Variants in NKAIN3 observed in about 807,000 individuals in gnomAD.
NKAIN3 encodes sodium/potassium transporting ATPase interacting 3.
Under a neutral mutation model 30.2 loss-of-function variants are expected in NKAIN3, and 25 were observed. The observed-to-expected ratio is 0.83, with a 90% CI of 0.60 to 1.16. The LOEUF (loss-of-function observed/expected upper bound fraction) is 1.16, where lower values mean the gene tolerates loss of function less well. Among genes scored for constraint, NKAIN3 ranks in the 50% most tolerant of loss-of-function variants. The pLI is 0.00. For missense variants in NKAIN3, 225 were observed against 254.1 expected (o/e 0.89, Z 0.78); for synonymous variants, 91 against 89.6 (o/e 1.02, Z -0.09).
At position 62,528,310 on chromosome 8, in the gene NKAIN3, T is replaced by TATATATATATTATATA. The variant is rs1563441399; in HGVS notation, c.55-51221_55-51220insATTATATAATATATAT. Among the ~76,000 whole-genome samples, 4 of 89,902 alleles carry TATATATATATTATATA rather than the reference T, an allele frequency of 4.4e-5. No individual in the cohort carries two copies. In the East Asian group the frequency reaches 1.0e-3, roughly 23 times the overall value. 59.0% of individuals were successfully genotyped at this position (89,902 alleles called of 152,430 possible). On this transcript the variant is annotated intron_variant, in intron 1 of 6. Transcript: ENST00000623646. ...TGATATATATATATATTATATTATA[T>TATATATATATTATATA]ATATATATTATATAATATATATATT...
chr8:62,750,031 C>G (rs1024641471), intron 4 of NKAIN3, among the ~76,000 whole-genome samples: 2 of 151,946 alleles, frequency 1.3e-5, no homozygotes, highest in Non-Finnish European at 2.9e-5. Context: ...TCTTGTTGCC[C>G]AATATGTGCT....
chr8:62,909,138 T>A (rs1439875937), intron 4 of NKAIN3, among the ~76,000 whole-genome samples: 4 of 152,196 alleles, frequency 2.6e-5, no homozygotes, highest in Non-Finnish European at 5.9e-5. Flanking sequence ...CAAATGGTTA[T>A]CCTCCTAGTA....
intron 3 of NKAIN3, among the ~76,000 whole-genome samples, chr8:62,616,978 T>C (rs1811473703): frequency 6.6e-6 from 1 of 152,186 alleles, no homozygotes; most frequent in Non-Finnish European, 1.5e-5. Flanking sequence ...GATGTCCTGA[T>C]GATAGTGAAT....
At chr8:62,317,637 C>T (rs898024516) in intron 1 of NKAIN3, among the ~76,000 whole-genome samples, 1 of 152,126 alleles carries the variant, frequency 6.6e-6, no homozygotes, top group Admixed American at 6.5e-5. Flanking sequence ...TCATCTATAT[C>T]TCTGTTTTGG....
In NKAIN3 at chr8:62,980,382, T is replaced by G. The variant is rs917117356; in HGVS notation, c.*14975T>G. The G allele has an allele frequency of 2.0e-5, 3 of 152,230 alleles. No homozygotes were observed. Among genetic ancestry groups the G allele is most frequent in the Non-Finnish European group, 4.4e-5 (3 of 68,050 alleles). 9.4% of individuals were successfully genotyped at this position (152,230 alleles called of 1,614,324 possible). On this transcript the variant is annotated 3_prime_UTR_variant, in exon 7 of 7. Coordinates refer to ENST00000623646, the MANE Select transcript of NKAIN3 (RefSeq NM_001304533.3). The stretch of plus-strand genomic sequence containing the variant: ...TCAAATAGCAGGCATGCAATGTAGT[T>G]TTATAAGATAATATACTAGGACCAT...
At chr8:62,822,458 G>T (rs183845147) in intron 4 of NKAIN3, among the ~76,000 whole-genome samples, 2 of 152,186 alleles carry the variant, frequency 1.3e-5, no homozygotes, top group East Asian at 3.9e-4. Context: ...ATTTTGCATG[G>T]CTTCTTAAGT....
intron 3 of NKAIN3, among the ~76,000 whole-genome samples, chr8:62,668,102 A>G (rs1813185244): frequency 8.0e-6 from 1 of 124,280 alleles, no homozygotes; most frequent in Admixed American, 7.3e-5. Flanking sequence ...ACACATACAC[A>G]CACACACATA....
chr8:62,318,042 G>A (rs1814711966), intron 1 of NKAIN3, among the ~76,000 whole-genome samples: 1 of 152,094 alleles, frequency 6.6e-6, no homozygotes, highest in South Asian at 2.1e-4. Context: ...TGAAGCAATT[G>A]TGAATGGGAA....
intron 1 of NKAIN3, among the ~76,000 whole-genome samples, chr8:62,273,199 T>A (rs1812829204): frequency 6.6e-6 from 1 of 152,228 alleles, no homozygotes. Context: ...TAGTGCTTTT[T>A]AATTATGTCT....
chr8:62,402,398 T>C (rs374061517), intron 1 of NKAIN3, among the ~76,000 whole-genome samples: 190 of 152,168 alleles, frequency 1.2e-3, no homozygotes, highest in African/African-American at 4.5e-3. Context: ...CAAGAGCCCA[T>C]TTGGTGTTTG....
chr8:62,443,253 G>A (rs1045975570), intron 1 of NKAIN3, among the ~76,000 whole-genome samples: 1 of 151,852 alleles, frequency 6.6e-6, no homozygotes, highest in African/African-American at 2.4e-5. Context: ...TGTATTTCAA[G>A]TATAGATAGA....
intron 4 of NKAIN3, among the ~76,000 whole-genome samples, chr8:62,875,254 A>C (rs1177121482): frequency 6.6e-6 from 1 of 152,168 alleles, no homozygotes; most frequent in East Asian, 1.9e-4. Flanking sequence ...AATACCTAGG[A>C]ATACAGCTAA....
At chr8:62,527,341 A>T (rs575947470) in intron 1 of NKAIN3, among the ~76,000 whole-genome samples, 1 of 152,226 alleles carries the variant, frequency 6.6e-6, no homozygotes, top group African/African-American at 2.4e-5. Flanking sequence ...AAGTTATGTG[A>T]CTCCAGAGGC....
At chr8:62,867,214 C>T (rs962311129) in intron 4 of NKAIN3, among the ~76,000 whole-genome samples, 1 of 151,768 alleles carries the variant, frequency 6.6e-6, no homozygotes. Flanking sequence ...TAGAGTCATA[C>T]GCATCTGGGT....
intron 4 of NKAIN3, among the ~76,000 whole-genome samples, chr8:62,817,282 T>C (rs985761676): frequency 2.0e-5 from 3 of 152,214 alleles, no homozygotes; most frequent in Non-Finnish European, 2.9e-5. Context: ...ACCATCATTT[T>C]TTAAAACTTG....
At chr8:62,517,860 T>G (rs910826824) in intron 1 of NKAIN3, among the ~76,000 whole-genome samples, 1 of 152,130 alleles carries the variant, frequency 6.6e-6, no homozygotes, top group East Asian at 1.9e-4. Flanking sequence ...AGAATTTTAC[T>G]AGAAAGGAGA....
At chr8:62,927,528 T>A (rs1351318855) in intron 5 of NKAIN3, among the ~76,000 whole-genome samples, 37 of 152,226 alleles carry the variant, frequency 2.4e-4, no homozygotes, top group Non-Finnish European at 2.9e-5. Context: ...AAGTGATGTA[T>A]ATCCCAAGTA....
At chr8:62,645,837 A>G (rs1210368994) in intron 3 of NKAIN3, among the ~76,000 whole-genome samples, 1 of 152,114 alleles carries the variant, frequency 6.6e-6, no homozygotes, top group Non-Finnish European at 1.5e-5. Context: ...TTAGCCCACA[A>G]AGCAATTTTT....
chr8:62,506,125 A>G (rs1807626603), intron 1 of NKAIN3, among the ~76,000 whole-genome samples: 1 of 115,752 alleles, frequency 8.6e-6, no homozygotes, highest in Admixed American at 9.5e-5. Flanking sequence ...TTCTGGATAA[A>G]TCAGGATAAC....
Sources: gnomAD v4.1 joint callset for allele counts (sites outside exome capture counted in the v4.1 genomes callset) on GRCh38, gnomAD v4.1.1 for gene constraint, MANE v1.5 for transcripts, NCBI Gene and HGNC (gene_info 2026-07-23, HGNC 2026-07-21) for gene names.